Variants in ADAMTS17 observed in about 807,000 individuals in gnomAD.
The protein encoded by ADAMTS17 is ADAM metallopeptidase with thrombospondin type 1 motif 17.
In ADAMTS17, 113 loss-of-function variants were observed where a neutral mutation model predicts 141.5. That is an observed-to-expected ratio of 0.80 (90% CI 0.69 to 0.93). ADAMTS17 has a LOEUF of 0.93. Ranked by LOEUF, ADAMTS17 falls within the 40% of genes least tolerant of loss-of-function variation. The probability of loss-of-function intolerance (pLI) is 0.00; values close to 1 mark genes in which losing one functional copy is unlikely to be tolerated. For synonymous variants in ADAMTS17, 768 were observed against 630.6 expected (o/e 1.22, Z -3.27); for missense variants, 1,659 against 1,517.9 (o/e 1.09, Z -1.54).
intron 18 of ADAMTS17, among the ~76,000 whole-genome samples, chr15:100,007,698 C>T (rs1215309425): frequency 6.6e-6 from 1 of 151,966 alleles, no homozygotes; most frequent in Non-Finnish European, 1.5e-5. Context: ...GAGGAGCTGG[C>T]CTGCGGTGGA....
intron 18 of ADAMTS17, among the ~76,000 whole-genome samples, chr15:100,027,072 A>G (rs374478500): frequency 6.6e-6 from 1 of 152,222 alleles, no homozygotes; most frequent in Non-Finnish European, 1.5e-5. Flanking sequence ...GGCAGGGAGA[A>G]CAGGGTGAAC....
At position 99,973,916 on chromosome 15, in the gene ADAMTS17, C is replaced by G. The variant is rs117381111; in HGVS notation, c.*486G>C. ...GGAGAGAAACGTGTGCTAAGCAGCC[C>G]GGCCCTCCCCAGAGAAGCCACGGGC... is the stretch of plus-strand genomic sequence containing the variant. On this transcript the variant is annotated 3_prime_UTR_variant, in exon 22 of 22. Coordinates refer to ENST00000268070, the MANE Select transcript of ADAMTS17 (RefSeq NM_139057.4). 4.2e-6 allele frequency: 1 copy of G among 235,972 alleles called. No individual in the cohort carries two copies. The highest frequency in any genetic ancestry group is 2.3e-5 in the African/African-American group (1 of 43,214). The allele number at this position is 235,972 out of a possible 1,614,324, so 14.6% of individuals were successfully genotyped here. A position where few individuals can be genotyped will look rare whatever the true frequency, so the allele number is the denominator to read the frequency against.
chr15:100,314,911 G>T (rs921870032), intron 3 of ADAMTS17, among the ~76,000 whole-genome samples: 2 of 152,236 alleles, frequency 1.3e-5, no homozygotes, highest in African/African-American at 4.8e-5. Context: ...CTGTTTGGAA[G>T]AAGGTGCAGA....
chr15:100,130,809 A>G (rs1420599385), intron 12 of ADAMTS17, among the ~76,000 whole-genome samples: 1 of 152,162 alleles, frequency 6.6e-6, no homozygotes, highest in East Asian at 1.9e-4. Flanking sequence ...AAAACAGATC[A>G]TTAAAAGAAA....
chr15:100,050,580 A>G (rs189039231), intron 17 of ADAMTS17, among the ~76,000 whole-genome samples: 6 of 152,350 alleles, frequency 3.9e-5, no homozygotes, highest in South Asian at 2.1e-4. Context: ...CTGTGTGTCT[A>G]TAACTCCTAC....
In ADAMTS17 at chr15:100,281,231, T is replaced by C. The variant is rs767656253; in HGVS notation, c.787A>G (p.Met263Val). The C allele has an allele frequency of 6.2e-6, 10 of 1,604,622 alleles. No homozygotes were observed. Among genetic ancestry groups the C allele is most frequent in the African/African-American group, 2.7e-5 (2 of 74,884 alleles). ...CAGGACCCCGGCTCCGGACTCACCA[T>C]GTTCATGACGGTCAGGATGAACCTC... ...AQRFILTVMN[M>V]VYNMFQHQSL... Residue 263 changes from methionine to valine, a missense_variant and splice_region_variant, in exon 4 of 22, where the codon ATG becomes GTG. Met to Val is a conservative substitution (Grantham distance 21). Transcript: ENST00000268070.
At chr15:100,258,634 C>A (rs1249490920) in intron 6 of ADAMTS17, among the ~76,000 whole-genome samples, 1 of 147,494 alleles carries the variant, frequency 6.8e-6, no homozygotes, top group Non-Finnish European at 1.5e-5. Context: ...GAGAACAGCA[C>A]AAGAAAGACC....
Position 100,068,574 on chromosome 15 carries a change from C to T in ADAMTS17, c.2138-14520G>A, listed in dbSNP as rs568254759. Among the ~76,000 whole-genome samples the T allele has an allele frequency of 1.5e-4, 23 of 152,328 alleles. No individual in the cohort carries two copies. In the South Asian group the frequency reaches 3.9e-3, roughly 26 times the overall value. On this transcript the variant is annotated intron_variant, in intron 15 of 21. Transcript: ENST00000268070. The stretch of plus-strand genomic sequence containing the variant: ...CAAAACTTCCAGAGGAACGATCAGG[C>T]AGCAACATCTGCTGTTCACCAATAT...
intron 20 of ADAMTS17, among the ~76,000 whole-genome samples, chr15:99,989,249 G>A (rs2060647441): frequency 6.6e-6 from 1 of 152,152 alleles, no homozygotes; most frequent in Non-Finnish European, 1.5e-5. Flanking sequence ...GACGCACAGG[G>A]GTACCCCACA....
intron 18 of ADAMTS17, among the ~76,000 whole-genome samples, chr15:100,021,268 A>G (rs1187267833): frequency 1.3e-5 from 2 of 152,068 alleles, no homozygotes; most frequent in Admixed American, 6.5e-5. Context: ...CCATCACTGA[A>G]GCCTAGTGGC....
chr15:100,071,527 C>G (rs921411472), intron 15 of ADAMTS17, among the ~76,000 whole-genome samples: 4 of 150,292 alleles, frequency 2.7e-5, no homozygotes, highest in East Asian at 1.9e-4. Flanking sequence ...AGCAGCACAT[C>G]AAGAAGCTTA....
At chr15:100,159,088 A>T (rs1277666855) in intron 8 of ADAMTS17, among the ~76,000 whole-genome samples, 2 of 152,248 alleles carry the variant, frequency 1.3e-5, no homozygotes, top group African/African-American at 2.4e-5. Context: ...TTAAAAATAA[A>T]ACTACTGCAT....
intron 18 of ADAMTS17, among the ~76,000 whole-genome samples, chr15:100,010,668 G>C (rs902142697): frequency 6.6e-6 from 1 of 152,212 alleles, no homozygotes; most frequent in African/African-American, 2.4e-5. Context: ...TCTGTTACGA[G>C]AACAACCAAA....
chr15:100,316,911 T>A (rs1215522217), intron 3 of ADAMTS17, among the ~76,000 whole-genome samples: 1 of 152,216 alleles, frequency 6.6e-6, no homozygotes, highest in Non-Finnish European at 1.5e-5. Context: ...CATGGCTGTG[T>A]CCATTCCCAG....
At chr15:100,261,760 G>C (rs6598316) in intron 5 of ADAMTS17, 124 bp from the exon 6 acceptor site, 2 of 1,084,856 alleles carry the variant, frequency 1.8e-6, no homozygotes, top group South Asian at 2.7e-5. Context: ...GATGACTCAC[G>C]GCCCTCGAAG....
intron 4 of ADAMTS17, among the ~76,000 whole-genome samples, chr15:100,266,309 CA>C (rs1407241261): frequency 1.3e-5 from 2 of 152,196 alleles, no homozygotes; most frequent in East Asian, 3.9e-4. Flanking sequence ...CACACAAAAC[CA>C]GCACAGCACA....
At chr15:100,302,110 T>A (rs2045060503) in intron 3 of ADAMTS17, among the ~76,000 whole-genome samples, 1 of 152,224 alleles carries the variant, frequency 6.6e-6, no homozygotes, top group Admixed American at 6.5e-5. Flanking sequence ...AAGAAACCAT[T>A]AATCTTTCTG....
intron 12 of ADAMTS17, chr15:100,129,854 G>A (rs982687307): frequency 1.3e-5 from 2 of 152,240 alleles, no homozygotes; most frequent in Non-Finnish European, 2.9e-5. Context: ...GCAGAACTAA[G>A]GCCAGGGAAC....
chr15:99,983,728 T>G (rs925568438), intron 20 of ADAMTS17, among the ~76,000 whole-genome samples: 1 of 152,058 alleles, frequency 6.6e-6, no homozygotes, highest in Non-Finnish European at 1.5e-5. Flanking sequence ...GGTGAAATCA[T>G]GCAAGGCTGA....
Sources: gnomAD v4.1 joint callset for allele counts (sites outside exome capture counted in the v4.1 genomes callset) on GRCh38, gnomAD v4.1.1 for gene constraint, MANE v1.5 for transcripts, NCBI Gene and HGNC (gene_info 2026-07-23, HGNC 2026-07-21) for gene names.